CALM2: variants seen among roughly 807,000 people sequenced by gnomAD.
CALM2 encodes calmodulin 2.
Under a neutral mutation model 19.8 loss-of-function variants are expected in CALM2, and 2 were observed. The ratio of observed to expected loss-of-function variants is 0.10; its 90% CI spans 0.04 to 0.32. The LOEUF is 0.32. Ranked by LOEUF, CALM2 falls within the 10% of genes least tolerant of loss-of-function variation. The pLI is 1.00. For missense variants in CALM2, 38 were observed against 178.7 expected (o/e 0.21, Z 4.49); for synonymous variants, 51 against 52.1 (o/e 0.98, Z 0.09).
At chr2:47,174,938 C>T (rs1214543643) in intron 1 of CALM2, among the ~76,000 whole-genome samples, 3 of 152,134 alleles carry the variant, frequency 2.0e-5, no homozygotes, top group Non-Finnish European at 1.5e-5. Flanking sequence ...TCCCCACACC[C>T]ATACAGGCTG....
At chr2:47,174,959 T>A (rs1666797984) in intron 1 of CALM2, among the ~76,000 whole-genome samples, 1 of 152,132 alleles carries the variant, frequency 6.6e-6, no homozygotes, top group Non-Finnish European at 1.5e-5. Context: ...GAGGTTTCAG[T>A]TGGCAAGGAT....
At chr2:47,165,921 C>T (rs1666455517) in intron 2 of CALM2, among the ~76,000 whole-genome samples, 1 of 152,186 alleles carries the variant, frequency 6.6e-6, no homozygotes, top group Non-Finnish European at 1.5e-5. Flanking sequence ...ATTTTTCCTC[C>T]ATCTCTACAA....
intron 5 of CALM2, 46 bp from the exon 6 acceptor site, chr2:47,160,850 CAAAA>C (rs55773607): frequency 0.26 from 96,919 of 366,552 alleles, 2,744 homozygotes; most frequent in Middle Eastern, 0.3. Flanking sequence ...AGCAAAAGAC[CAAAA>C]AAAAAAAAAA....
chr2:47,166,425 G>A (rs1666473419), intron 2 of CALM2, among the ~76,000 whole-genome samples: 1 of 152,194 alleles, frequency 6.6e-6, no homozygotes, highest in Non-Finnish European at 1.5e-5. Context: ...ACTGGAAGAT[G>A]CATAGTGTAA....
At chr2:47,175,246 T>C (rs1469869358) in intron 1 of CALM2, among the ~76,000 whole-genome samples, 1 of 152,098 alleles carries the variant, frequency 6.6e-6, no homozygotes, top group Non-Finnish European at 1.5e-5. Flanking sequence ...CCTGGCAACT[T>C]CTACACGGAA....
intron 1 of CALM2, chr2:47,173,939 T>C (rs1666761569): frequency 6.6e-6 from 1 of 152,204 alleles, no homozygotes; most frequent in Non-Finnish European, 1.5e-5. Flanking sequence ...TTCATAAAAA[T>C]TAGGGCTATT....
chr2:47,167,278 T>C (rs1012009547), intron 2 of CALM2, among the ~76,000 whole-genome samples: 1 of 152,216 alleles, frequency 6.6e-6, no homozygotes, highest in African/African-American at 2.4e-5. Flanking sequence ...CTGTACATTT[T>C]TCCTATCAGT....
intron 2 of CALM2, among the ~76,000 whole-genome samples, chr2:47,166,968 C>CCT (rs1225964452): frequency 6.6e-6 from 1 of 152,042 alleles, no homozygotes; most frequent in Non-Finnish European, 1.5e-5. Context: ...ACCCCAAGGC[C>CCT]CTTCCCTAAT....
At chr2:47,166,254 C>G (rs950343657) in intron 2 of CALM2, among the ~76,000 whole-genome samples, 1 of 152,148 alleles carries the variant, frequency 6.6e-6, no homozygotes, top group African/African-American at 2.4e-5. Context: ...GCACCTTTCA[C>G]CTAATTTAGG....
intron 2 of CALM2, among the ~76,000 whole-genome samples, chr2:47,165,935 G>A (rs145989129): frequency 6.6e-6 from 1 of 152,146 alleles, no homozygotes; most frequent in South Asian, 2.1e-4. Context: ...TCTACAACCA[G>A]TATTTTGGTT....
At chr2:47,176,741 C>T (rs1666887018), upstream of CALM2, 3 of 1,370,158 alleles carry the variant, frequency 2.2e-6, no homozygotes, top group Admixed American at 6.2e-5. Flanking sequence ...GTTAAAAGGC[C>T]GGTGGAGCGG....
chr2:47,176,390 C>T (rs372377696), intron 1 of CALM2, 51 bp downstream of exon 1: 1 of 1,607,288 alleles, frequency 6.2e-7, no homozygotes, highest in Non-Finnish European at 8.5e-7. Context: ...CAGTTCGCTC[C>T]AGTCTCTTCC....
At chr2:47,161,636 G>T in intron 5 of CALM2, 87 bp downstream of exon 5, 2 of 1,252,356 alleles carry the variant, frequency 1.6e-6, no homozygotes, top group South Asian at 1.5e-5. Flanking sequence ...CAGGGGAAGG[G>T]TCACTAATTT....
intron 3 of CALM2, 50 bp downstream of exon 3, chr2:47,162,469 T>G: frequency 6.2e-7 from 1 of 1,611,806 alleles, no homozygotes. Flanking sequence ...TGGAAACATC[T>G]AAGTATCACT....
upstream of CALM2, chr2:47,176,683 G>A: frequency 7.0e-7 from 1 of 1,422,696 alleles, no homozygotes; most frequent in Non-Finnish European, 9.2e-7. Flanking sequence ...AGAGATCAAG[G>A]AAAGTGGGCG....
intron 2 of CALM2, among the ~76,000 whole-genome samples, chr2:47,170,490 A>G (rs1440689788): frequency 6.6e-6 from 1 of 152,194 alleles, no homozygotes; most frequent in Non-Finnish European, 1.5e-5. Context: ...CAAGGCTCCA[A>G]AGTATATCCA....
At chr2:47,170,863 T>C (rs1212883389) in intron 1 of CALM2, 99 bp from the exon 2 acceptor site, 6 of 905,536 alleles carry the variant, frequency 6.6e-6, no homozygotes, top group African/African-American at 6.5e-5. Context: ...CCATGTACTG[T>C]TTCATTTAGT....
At chr2:47,176,605 C>T, upstream of CALM2, 2 of 1,530,396 alleles carry the variant, frequency 1.3e-6, no homozygotes, top group Non-Finnish European at 8.8e-7. Context: ...AAACGAGTCC[C>T]GGCCAACCCC....
chr2:47,175,300 T>C (rs566813187), intron 1 of CALM2, among the ~76,000 whole-genome samples: 24 of 152,260 alleles, frequency 1.6e-4, no homozygotes, highest in Admixed American at 5.9e-4. Context: ...GCAATGTTTT[T>C]ATGTGGTCGT....
Sources: gnomAD v4.1 joint callset for allele counts (sites outside exome capture counted in the v4.1 genomes callset) on GRCh38, gnomAD v4.1.1 for gene constraint, MANE v1.5 for transcripts, NCBI Gene and HGNC (gene_info 2026-07-23, HGNC 2026-07-21) for gene names.